The following COX7B2 variants were observed in gnomAD, a reference collection of about 807,000 sequenced individuals.
COX7B2 encodes the protein cytochrome c oxidase subunit 7B2, mitochondrial.
For missense variants in COX7B2, 109 were observed against 95.9 expected, an observed-to-expected ratio of 1.14 and a Z score of -0.57; for synonymous variants, 37 against 32.1, an observed-to-expected ratio of 1.15 and a Z score of -0.51.
chr4:46,901,361 T>C (rs1018967352), intron 1 of COX7B2, among the ~76,000 whole-genome samples: 7 of 152,218 alleles, frequency 4.6e-5, no homozygotes, highest in African/African-American at 1.4e-4. Flanking sequence ...GTCCTTATCA[T>C]AGGCTTCCCA....
chr4:46,856,016 G>T lies in COX7B2; in HGVS notation c.-104-11002C>A, dbSNP rs144109842. On this transcript the variant is annotated intron_variant, in intron 1 of 2. Coordinates refer to ENST00000355591, the MANE Select transcript of COX7B2 (RefSeq NM_130902.3). ...CCCAGCACTTTGGGAGGCCAAGGCGGGTTTATCACTTGAGGTCAGGAGTTC... is the reference window on the plus strand; with the variant it reads ...CCCAGCACTTTGGGAGGCCAAGGCGTGTTTATCACTTGAGGTCAGGAGTTC... 2.2e-4 allele frequency among the ~76,000 whole-genome samples: 34 copies of T among 152,172 alleles called. 1 individual carries two copies. In the East Asian group the frequency reaches 6.4e-3, roughly 29 times the overall value.
At chr4:46,907,848 C>CTTATTTTTTTTTTTTTTTTTT (rs1720494107) in intron 1 of COX7B2, among the ~76,000 whole-genome samples, 1 of 59,730 alleles carries the variant, frequency 1.7e-5, no homozygotes, top group East Asian at 6.5e-4. Context: ...TTTGAGCAGA[C>CTTATTTTTTTTTTTTTTTTTT]TTTTTTTTTT....
intron 2 of COX7B2, among the ~76,000 whole-genome samples, chr4:46,763,289 T>C (rs1167248944): frequency 2.1e-5 from 3 of 145,546 alleles, no homozygotes; most frequent in Non-Finnish European, 3.0e-5. Flanking sequence ...TTTCCCCTTC[T>C]ATAAAGCATA....
chr4:46,879,812 C>A (rs1036498042), intron 1 of COX7B2, among the ~76,000 whole-genome samples: 3 of 151,764 alleles, frequency 2.0e-5, no homozygotes, highest in African/African-American at 7.3e-5. Context: ...CTTGTAATGA[C>A]AACTCTTTAT....
At chr4:46,750,141 G>A (rs1255473372) in intron 2 of COX7B2, among the ~76,000 whole-genome samples, 1 of 150,770 alleles carries the variant, frequency 6.6e-6, no homozygotes, top group East Asian at 1.9e-4. Context: ...TGGAAGGATC[G>A]CTTGAGGCCA....
chr4:46,833,540 A>C (rs1184202408), intron 2 of COX7B2, among the ~76,000 whole-genome samples: 2 of 152,188 alleles, frequency 1.3e-5, no homozygotes, highest in Non-Finnish European at 2.9e-5. Context: ...AAGATTCAAA[A>C]GGGAAAGTAA....
At chr4:46,849,724 A>T (rs1014948938) in intron 1 of COX7B2, among the ~76,000 whole-genome samples, 10 of 152,076 alleles carry the variant, frequency 6.6e-5, no homozygotes, top group Non-Finnish European at 1.3e-4. Context: ...TTTAGGGTAC[A>T]TGTGCACAAC....
chr4:46,766,653 A>G (rs2109498616), intron 2 of COX7B2, among the ~76,000 whole-genome samples: 1 of 148,044 alleles, frequency 6.8e-6, no homozygotes. Context: ...GTGAGTTGAG[A>G]TTATGCCACT....
At chr4:46,874,137 TA>T (rs1283132095) in intron 1 of COX7B2, among the ~76,000 whole-genome samples, 1 of 152,014 alleles carries the variant, frequency 6.6e-6, no homozygotes, top group Admixed American at 6.6e-5. Context: ...GTCTTTTTTT[TA>T]AAAAAAGAAA....
chr4:46,816,634 T>A (rs187526892), intron 2 of COX7B2, among the ~76,000 whole-genome samples: 1 of 152,194 alleles, frequency 6.6e-6, no homozygotes, highest in African/African-American at 2.4e-5. Flanking sequence ...GCTGAAAATA[T>A]TATTTAATGT....
rs1215385422 is a variant in COX7B2, at chr4:46,880,993, T to TA, written c.-105+28166dup. Reference sequence around the variant, plus strand: ...ATGTACCCTAAAACTTAGAGTATAATAAAAAAAAAAAAAAAAAACTCTTGG... The same window carrying TA: ...ATGTACCCTAAAACTTAGAGTATAATAAAAAAAAAAAAAAAAAAACTCTTGG... On this transcript the variant is annotated intron_variant, in intron 1 of 2. Transcript: ENST00000355591. Among the ~76,000 whole-genome samples the TA allele has an allele frequency of 8.5e-3, 869 of 102,806 alleles. 30 individuals carry two copies. The highest frequency in any genetic ancestry group is 0.019 in the Middle Eastern group (3 of 158). The allele number at this position is 102,806 out of a possible 152,430, so 67.4% of individuals were successfully genotyped here.
intron 2 of COX7B2, among the ~76,000 whole-genome samples, chr4:46,752,796 T>C (rs1449223047): frequency 3.9e-5 from 6 of 152,302 alleles, no homozygotes; most frequent in Non-Finnish European, 7.4e-5. Context: ...ATAAGCTTTT[T>C]GATGTGCTGC....
At chr4:46,881,047 A>G (rs1477505926) in intron 1 of COX7B2, among the ~76,000 whole-genome samples, 1 of 150,274 alleles carries the variant, frequency 6.7e-6, no homozygotes, top group Non-Finnish European at 1.5e-5. Flanking sequence ...TGGTTTTTTC[A>G]TGTCTCAATT....
At chr4:46,882,596 C>G (rs1336940860) in intron 1 of COX7B2, among the ~76,000 whole-genome samples, 1 of 151,970 alleles carries the variant, frequency 6.6e-6, no homozygotes, top group African/African-American at 2.4e-5. Context: ...CTGGTTTGTC[C>G]AAAGTTAGGA....
intron 2 of COX7B2, among the ~76,000 whole-genome samples, chr4:46,812,568 A>G (rs1422904636): frequency 1.3e-5 from 2 of 152,092 alleles, no homozygotes; most frequent in African/African-American, 4.8e-5. Context: ...AGCAGCAAGG[A>G]TGTAAGTTCC....
chr4:46,858,283 G>A (rs527814354), intron 1 of COX7B2, among the ~76,000 whole-genome samples: 1 of 152,010 alleles, frequency 6.6e-6, no homozygotes, highest in South Asian at 2.1e-4. Flanking sequence ...TAGTAGAGAT[G>A]GGGGGGTTCG....
At chr4:46,903,503 G>A (rs936751311) in intron 1 of COX7B2, among the ~76,000 whole-genome samples, 7 of 151,742 alleles carry the variant, frequency 4.6e-5, no homozygotes, top group Non-Finnish European at 8.8e-5. Flanking sequence ...AAGTGTACAG[G>A]GTTTATAAAG....
chr4:46,753,698 C>T (rs1715557411), intron 2 of COX7B2, among the ~76,000 whole-genome samples: 1 of 151,840 alleles, frequency 6.6e-6, no homozygotes, highest in African/African-American at 2.4e-5. Context: ...GCAACAAAAA[C>T]CAAAATTGAC....
chr4:46,790,146 A>G (rs1717962378), intron 2 of COX7B2, among the ~76,000 whole-genome samples: 1 of 152,220 alleles, frequency 6.6e-6, no homozygotes, highest in Non-Finnish European at 1.5e-5. Context: ...CTTAGACTCA[A>G]GAAACAGAAA....
Sources: gnomAD v4.1 joint callset for allele counts (sites outside exome capture counted in the v4.1 genomes callset) on GRCh38, gnomAD v4.1.1 for gene constraint, MANE v1.5 for transcripts, NCBI Gene and HGNC (gene_info 2026-07-23, HGNC 2026-07-21) for gene names.